The following NELL2 variants were observed in gnomAD, a reference collection of about 807,000 sequenced individuals.
NELL2 encodes the protein neural EGFL like 2.
NELL2 carries 41 observed loss-of-function variants against 109.6 expected under a neutral mutation model. The ratio of observed to expected loss-of-function variants is 0.37; its 90% CI spans 0.29 to 0.49. The LOEUF (loss-of-function observed/expected upper bound fraction) is 0.49. Ranked by LOEUF, NELL2 falls within the 20% of genes least tolerant of loss-of-function variation. The pLI is 0.98. For missense variants in NELL2, 900 were observed against 1,008.3 expected, an observed-to-expected ratio of 0.89 and a Z score of 1.45; for synonymous variants, 355 against 344.7, an observed-to-expected ratio of 1.03 and a Z score of -0.33.
intron 19 of NELL2, among the ~76,000 whole-genome samples, chr12:44,512,257 G>A (rs889736489): frequency 1.3e-5 from 2 of 152,094 alleles, no homozygotes; most frequent in East Asian, 1.9e-4. Flanking sequence ...TCAGGGAAAC[G>A]CAGGTCAAAA....
intron 15 of NELL2, among the ~76,000 whole-genome samples, chr12:44,560,615 C>G (rs980560175): frequency 6.6e-6 from 1 of 152,052 alleles, no homozygotes; most frequent in African/African-American, 2.4e-5. Flanking sequence ...ATACACCCTC[C>G]CAAGGCTAAA....
chr12:44,563,081 C>T (rs12581800), intron 15 of NELL2, among the ~76,000 whole-genome samples: 19,324 of 152,092 alleles, frequency 0.13, 1,294 homozygotes, highest in Middle Eastern at 0.17. Flanking sequence ...AAACAAAACA[C>T]CACATGTTCT....
At chr12:44,809,132 G>A (rs775668609) in intron 3 of NELL2, among the ~76,000 whole-genome samples, 7 of 151,888 alleles carry the variant, frequency 4.6e-5, no homozygotes, top group African/African-American at 9.7e-5. Flanking sequence ...CAGAATCTAG[G>A]CAACTACACC....
chr12:44,912,625 C>G (rs1454830291), intron 1 of NELL2, among the ~76,000 whole-genome samples: 5 of 152,132 alleles, frequency 3.3e-5, no homozygotes. Context: ...CACCACATGA[C>G]ATCATTTATT....
chr12:44,735,368 T>C (rs1939587646), intron 9 of NELL2, among the ~76,000 whole-genome samples: 1 of 152,202 alleles, frequency 6.6e-6, no homozygotes, highest in African/African-American at 2.4e-5. Context: ...GAAGAATGTT[T>C]ATTATCCTTC....
chr12:44,548,831 A>C (rs1249644789), intron 15 of NELL2, among the ~76,000 whole-genome samples: 1 of 152,234 alleles, frequency 6.6e-6, no homozygotes, highest in Non-Finnish European at 1.5e-5. Flanking sequence ...GTTGTAATTC[A>C]CAATGATAAA....
chr12:44,716,021 AACT>A, intron 9 of NELL2, among the ~76,000 whole-genome samples: 1 of 152,152 alleles, frequency 6.6e-6, no homozygotes, highest in Middle Eastern at 3.4e-3. Flanking sequence ...GATGGTCTCA[AACT>A]CCTGTCCTTA....
chr12:44,585,901 A>C (rs565540421), intron 15 of NELL2, among the ~76,000 whole-genome samples: 7 of 152,060 alleles, frequency 4.6e-5, no homozygotes, highest in African/African-American at 1.7e-4. Flanking sequence ...AAAGAAAAAA[A>C]AACTGCATTA....
At chr12:44,864,363 A>T (rs1247958003) in intron 2 of NELL2, among the ~76,000 whole-genome samples, 1 of 152,164 alleles carries the variant, frequency 6.6e-6, no homozygotes, top group Non-Finnish European at 1.5e-5. Flanking sequence ...GAAGACAGAA[A>T]GTGAAGGAAT....
intron 15 of NELL2, among the ~76,000 whole-genome samples, chr12:44,536,235 A>C (rs556542921): frequency 1.3e-5 from 2 of 152,162 alleles, no homozygotes; most frequent in East Asian, 3.9e-4. Context: ...TTCACTCAGT[A>C]AATACTTAGT....
chr12:44,675,866 C>A lies in NELL2; in HGVS notation c.1319-10257G>T, dbSNP rs1026923259. 3.3e-5 allele frequency among the ~76,000 whole-genome samples: 5 copies of A among 152,058 alleles called. No individual in the cohort carries two copies. In the South Asian group the frequency reaches 1.0e-3, roughly 32 times the overall value. On this transcript the variant is annotated intron_variant, in intron 12 of 19. Transcript: ENST00000429094. Reference sequence around the variant, plus strand: ...CATAACAAGAGCAACATTTCTAGACCCCAGGTTTAAAATTAGTCTATGGAC... The same window carrying A: ...CATAACAAGAGCAACATTTCTAGACACCAGGTTTAAAATTAGTCTATGGAC...
At chr12:44,727,065 C>A (rs1294882009) in intron 9 of NELL2, among the ~76,000 whole-genome samples, 1 of 152,080 alleles carries the variant, frequency 6.6e-6, no homozygotes, top group African/African-American at 2.4e-5. Flanking sequence ...ACATGAAATT[C>A]TGCATATGTA....
At chr12:44,909,897 T>C (rs1945760620) in intron 1 of NELL2, among the ~76,000 whole-genome samples, 1 of 151,900 alleles carries the variant, frequency 6.6e-6, no homozygotes, top group Admixed American at 6.6e-5. Context: ...CCCTATTCAA[T>C]AAATGGTGCT....
intron 1 of NELL2, among the ~76,000 whole-genome samples, chr12:44,908,980 C>T (rs536353835): frequency 3.3e-5 from 5 of 151,724 alleles, no homozygotes; most frequent in South Asian, 2.1e-4. Context: ...TGTCACAGAA[C>T]ACATAAGAAC....
chr12:44,639,033 C>CT (rs1018387097), intron 13 of NELL2, among the ~76,000 whole-genome samples: 1 of 151,994 alleles, frequency 6.6e-6, no homozygotes, highest in African/African-American at 2.4e-5. Context: ...TATTTTAAAT[C>CT]TTTTTTCATG....
At chr12:44,810,755 G>A (rs1943147090) in intron 3 of NELL2, among the ~76,000 whole-genome samples, 1 of 151,802 alleles carries the variant, frequency 6.6e-6, no homozygotes, top group Non-Finnish European at 1.5e-5. Context: ...AATGATAATA[G>A]TGGCTGCCGT....
chr12:44,658,072 T>C (rs937268026), intron 13 of NELL2, among the ~76,000 whole-genome samples: 1 of 152,206 alleles, frequency 6.6e-6, no homozygotes, highest in African/African-American at 2.4e-5. Context: ...TCCACAATGG[T>C]TGAACTAATT....
chr12:44,599,466 T>C (rs1357418638), intron 15 of NELL2, among the ~76,000 whole-genome samples: 1 of 151,944 alleles, frequency 6.6e-6, no homozygotes, highest in Non-Finnish European at 1.5e-5. Context: ...TAACATAAAC[T>C]AAATAATGGA....
At chr12:44,553,812 T>C (rs1592109255) in intron 15 of NELL2, among the ~76,000 whole-genome samples, 3 of 152,138 alleles carry the variant, frequency 2.0e-5, no homozygotes, top group South Asian at 4.1e-4. Flanking sequence ...TGTGAGAATA[T>C]AGGATTTAAA....
Sources: gnomAD v4.1 joint callset for allele counts (sites outside exome capture counted in the v4.1 genomes callset) on GRCh38, gnomAD v4.1.1 for gene constraint, MANE v1.5 for transcripts, NCBI Gene and HGNC (gene_info 2026-07-23, HGNC 2026-07-21) for gene names.